ZNF565: variants seen among roughly 807,000 people sequenced by gnomAD.
ZNF565 encodes the protein zinc finger protein 565.
A neutral mutation model predicts 39.4 loss-of-function variants in ZNF565; 27 were observed. The observed-to-expected ratio is 0.69, with a 90% confidence interval of 0.51 to 0.95. The LOEUF is 0.95. Among genes scored for constraint, ZNF565 ranks in the 40% least tolerant of loss-of-function variants. The pLI is 0.00. For missense variants in ZNF565, 524 were observed against 621.1 expected (o/e 0.84, Z 1.66); for synonymous variants, 185 against 216.6 (o/e 0.85, Z 1.28).
chr19:36,232,031 C>T (rs924223786), intron 1 of ZNF565, among the ~76,000 whole-genome samples: 2 of 151,874 alleles, frequency 1.3e-5, no homozygotes, highest in East Asian at 1.9e-4. Context: ...GGTAAAACCC[C>T]GTTTCTATTA....
chr19:36,182,659 TGA>T lies in ZNF565; in HGVS notation c.1305_1306del (p.His436SerfsTer8), dbSNP rs772058130. On this transcript the variant is annotated frameshift_variant, in exon 5 of 5. Coordinates refer to ENST00000304116, the MANE Select transcript of ZNF565 (RefSeq NM_152477.5). LOFTEE classifies it high-confidence loss of function. ...CTCACAAGTGTGAATTCGCTGATGATGAGTCAGTTGTGAAACACGAATAAAGG... is the reference window on the plus strand; with the variant it reads ...CTCACAAGTGTGAATTCGCTGATGATGTCAGTTGTGAAACACGAATAAAGG... 1 of 1,614,144 alleles carries T rather than the reference TGA, an allele frequency of 6.2e-7. No individual in the cohort carries two copies. Among genetic ancestry groups the T allele is most frequent in the Non-Finnish European group, 8.5e-7 (1 of 1,180,000 alleles).
At chr19:36,196,699 C>T (rs1374993256) in intron 2 of ZNF565, among the ~76,000 whole-genome samples, 1 of 152,086 alleles carries the variant, frequency 6.6e-6, no homozygotes, top group African/African-American at 2.4e-5. Flanking sequence ...CCAGGCTGGG[C>T]GTGGTGGCTT....
At chr19:36,193,535 G>C (rs1975648829) in intron 4 of ZNF565, among the ~76,000 whole-genome samples, 1 of 149,358 alleles carries the variant, frequency 6.7e-6, no homozygotes, top group Non-Finnish European at 1.5e-5. Context: ...CCGCCTCCCG[G>C]GTTCACGCCA....
chr19:36,187,332 ATATT>A (rs952784934), intron 4 of ZNF565, among the ~76,000 whole-genome samples: 1 of 151,684 alleles, frequency 6.6e-6, no homozygotes, highest in African/African-American at 2.4e-5. Context: ...CCTAATATAT[ATATT>A]TATTTTTATT....
At chr19:36,192,139 C>CAA (rs1386798518) in intron 4 of ZNF565, among the ~76,000 whole-genome samples, 2 of 151,888 alleles carry the variant, frequency 1.3e-5, no homozygotes, top group African/African-American at 4.8e-5. Flanking sequence ...CAGGCACCCG[C>CAA]CACCACGCCC....
At chr19:36,194,143 C>T (rs1188971076) in intron 4 of ZNF565, 90 bp downstream of exon 4, 1 of 1,060,406 alleles carries the variant, frequency 9.4e-7, no homozygotes, top group Non-Finnish European at 1.4e-6. Context: ...CACAGTAGGG[C>T]TTTGAGGGAA....
intron 4 of ZNF565, among the ~76,000 whole-genome samples, chr19:36,192,791 T>G (rs1186423224): frequency 6.7e-6 from 1 of 150,102 alleles, no homozygotes; most frequent in Admixed American, 6.6e-5. Flanking sequence ...CATGGGCCAC[T>G]GTGCCCAGCC....
At chr19:36,211,314 G>A (rs2145365587) in intron 1 of ZNF565, among the ~76,000 whole-genome samples, 1 of 151,784 alleles carries the variant, frequency 6.6e-6, no homozygotes, top group Middle Eastern at 3.4e-3. Flanking sequence ...GTGGTGGTGT[G>A]TGCCTGTAAT....
rs1230166755 is a variant in ZNF565, at chr19:36,195,087, G to A, written c.79C>T (p.Gln27Ter). The change falls in exon 3 of 5, where the codon CAG becomes TAG. Residue 27 changes from glutamine to a stop codon, truncating the protein, a stop_gained. Coordinates refer to ENST00000304116, the MANE Select transcript of ZNF565 (RefSeq NM_152477.5). LOFTEE classifies it high-confidence loss of function. ...LEEWKCLEPA[Q>*]RDLYREVTLE... ...GTCACCTCCCTGTACAAGTCCCTCT[G>A]AGCAGGTTCCAGGCACTTCCATTCT... is the stretch of plus-strand genomic sequence containing the variant. 2 of 1,614,016 alleles carry A rather than the reference G, an allele frequency of 1.2e-6. No homozygotes were observed. The highest frequency in any genetic ancestry group is 1.3e-5 in the African/African-American group (1 of 74,900).
At chr19:36,217,654 G>A (rs1976666955), upstream of ZNF565, among the ~76,000 whole-genome samples, 1 of 152,050 alleles carries the variant, frequency 6.6e-6, no homozygotes, top group South Asian at 2.1e-4. Flanking sequence ...GGAGGCCAAC[G>A]CAGGCGGATC....
At chr19:36,211,269 C>T (rs1453518705) in intron 1 of ZNF565, among the ~76,000 whole-genome samples, 1 of 151,392 alleles carries the variant, frequency 6.6e-6, no homozygotes, top group African/African-American at 2.4e-5. Context: ...ATGGTGAAAT[C>T]CCATCTCTAC....
chr19:36,192,843 G>A (rs149712234), intron 4 of ZNF565, among the ~76,000 whole-genome samples: 1,943 of 151,556 alleles, frequency 0.013, 28 homozygotes, highest in South Asian at 0.04. Context: ...TGAGATAGAC[G>A]TTCACTTTTG....
chr19:36,245,614 C>T lies in ZNF565; in HGVS notation c.-84G>A, dbSNP rs1380988153. The stretch of plus-strand genomic sequence containing the variant: ...GGCTTGAGATGCAGCCTCCCAGCTT[C>T]GAGGCTACCACCTGCCCGAATTGGT... On this transcript the variant is annotated 5_prime_UTR_variant, in exon 1 of 5. Coordinates refer to the ZNF565 transcript ENST00000355114. This position sits in a 1 kb window ranked among gnomAD's most constrained non-coding sequence, Gnocchi z 4.4. 1.4e-6 allele frequency: 1 copy of T among 700,460 alleles called. No individual in the cohort carries two copies. The highest frequency in any genetic ancestry group is 2.6e-6 in the Non-Finnish European group (1 of 383,562). 43.4% of individuals were successfully genotyped at this position (700,460 alleles called of 1,614,324 possible).
rs1009682848 is a variant in ZNF565 at position 36,245,820 on chromosome 19, G to C, written c.-290C>G. 1 of 383,456 alleles carries C rather than the reference G, an allele frequency of 2.6e-6. No individual in the cohort carries two copies. Among genetic ancestry groups the C allele is most frequent in the Non-Finnish European group, 4.7e-6 (1 of 213,082 alleles). The allele number at this position is 383,456 out of a possible 1,614,324, so 23.8% of individuals were successfully genotyped here. A position where few individuals can be genotyped will look rare whatever the true frequency, so the allele number is the denominator to read the frequency against. Reference sequence around the variant, plus strand: ...TCTTGAGTCCCGGTTCCTTCGCCCAGCTGCGGGCCTCGGGCTACTGGATCC... The same window carrying C: ...TCTTGAGTCCCGGTTCCTTCGCCCACCTGCGGGCCTCGGGCTACTGGATCC... On this transcript the variant is annotated 5_prime_UTR_variant, in exon 1 of 5. Transcript: ENST00000355114. This position sits in a 1 kb window ranked among gnomAD's most constrained non-coding sequence, Gnocchi z 4.4.
At chr19:36,202,099 C>T in intron 1 of ZNF565, 49 bp from the exon 2 acceptor site, 1 of 1,029,782 alleles carries the variant, frequency 9.7e-7, no homozygotes. Context: ...ATAAACTGAG[C>T]TTGCCTCAGC....
At chr19:36,182,209 T>C (rs1975111281), downstream of ZNF565, 1 of 371,362 alleles carries the variant, frequency 2.7e-6, no homozygotes, top group Non-Finnish European at 4.8e-6. Context: ...TTTAACATAT[T>C]TTGAATGGCA....
intron 2 of ZNF565, among the ~76,000 whole-genome samples, chr19:36,200,849 A>T (rs1027842970): frequency 6.6e-6 from 1 of 151,682 alleles, no homozygotes; most frequent in African/African-American, 2.4e-5. Flanking sequence ...CAGTGGCGTG[A>T]TCTCTGCTTA....
Position 36,212,022 on chromosome 19 carries a change from C to T in ZNF565, c.-66+2600G>A, listed in dbSNP as rs1035262645. On this transcript the variant is annotated intron_variant, in intron 1 of 4. Transcript: ENST00000304116. ...TATAATGGGAAAAACAGTGACTTTG[C>T]AGCAGAGAAATCTGGCAATCACCGT... is the stretch of plus-strand genomic sequence containing the variant. 2.0e-5 allele frequency among the ~76,000 whole-genome samples: 3 copies of T among 152,142 alleles called. No individual in the cohort carries two copies. In the South Asian group the frequency reaches 6.2e-4, roughly 31 times the overall value.
At chr19:36,238,818 TCCCCAGCTCC>T (rs1977743397) in intron 1 of ZNF565, 2 of 165,312 alleles carry the variant, frequency 1.2e-5, no homozygotes, top group Admixed American at 1.3e-4. Context: ...TATATCGGGG[TCCCCAGCTCC>T]CCCCAGCTGC....
Sources: gnomAD v4.1 joint callset for allele counts (sites outside exome capture counted in the v4.1 genomes callset) on GRCh38, gnomAD v4.1.1 for gene constraint, Gnocchi (gnomAD v3.1) non-coding constraint, MANE v1.5 for transcripts, NCBI Gene and HGNC (gene_info 2026-07-23, HGNC 2026-07-21) for gene names.